The following NFATC2 variants were observed in gnomAD, a reference collection of about 807,000 sequenced individuals.
The protein encoded by NFATC2 is nuclear factor of activated T cells 2, also known as nuclear factor of activated T-cells, cytoplasmic 2.
Under a neutral mutation model 87.3 loss-of-function variants are expected in NFATC2, and 22 were observed. That is an observed-to-expected ratio of 0.25 (90% CI 0.18 to 0.36). NFATC2 has a LOEUF of 0.36. Among genes scored for constraint, NFATC2 ranks in the 10% least tolerant of loss-of-function variants. The pLI, the probability that NFATC2 is intolerant of heterozygous loss-of-function variation, is 1.00. For synonymous variants in NFATC2, 565 were observed against 542.2 expected, an observed-to-expected ratio of 1.04 and a Z score of -0.58; for missense variants, 1,149 against 1,259.1, an observed-to-expected ratio of 0.91 and a Z score of 1.32.
In NFATC2 at chr20:51,475,619, G is replaced by T. The variant is rs1055263764; in HGVS notation, c.1374C>A (p.Ile458=). The change falls in exon 4 of 11, where the codon ATC becomes ATA. Residue 458 remains isoleucine, a synonymous_variant. Coordinates refer to ENST00000371564, the MANE Select transcript of NFATC2 (RefSeq NM_012340.5). ...TCCGCTCATCAGCTGTCCCAATGAA[G>T]ATCTGAAGTCCCAGAGGCTTGTTTT... ...YMENKPLGLQ[I]FIGTADERIL... 1 of 1,614,028 alleles carries T rather than the reference G, an allele frequency of 6.2e-7. No individual in the cohort carries two copies. Among genetic ancestry groups the T allele is most frequent in the Non-Finnish European group, 8.5e-7 (1 of 1,180,036 alleles).
At chr20:51,536,667 T>C (rs1331958743) in intron 1 of NFATC2, among the ~76,000 whole-genome samples, 1 of 152,200 alleles carries the variant, frequency 6.6e-6, no homozygotes, top group Non-Finnish European at 1.5e-5. Context: ...GCCACGTGTT[T>C]CACAGGGAAG....
At position 51,467,037 on chromosome 20, in the gene NFATC2, A is replaced by G. The variant is rs193091397; in HGVS notation, c.1708+6943T>C. Among the ~76,000 whole-genome samples the G allele has an allele frequency of 1.4e-3, 209 of 145,166 alleles. 4 individuals are homozygous for G. The East Asian group carries it at 0.036, about 25-fold the overall frequency. ...CAGTGAGCCAAGACTGCGCCATTGC[A>G]CTCCAGCCTGAGCAACAAGAGCGAG... On this transcript the variant is annotated intron_variant, in intron 5 of 10. Coordinates refer to ENST00000371564, the MANE Select transcript of NFATC2 (RefSeq NM_012340.5).
intron 10 of NFATC2, among the ~76,000 whole-genome samples, chr20:51,396,865 G>GA (rs1222166671): frequency 6.6e-6 from 1 of 152,062 alleles, no homozygotes; most frequent in African/African-American, 2.4e-5. Context: ...AAGCGACTCT[G>GA]AAGGCCAAGA....
At chr20:51,438,298 CTG>C (rs1458292908) in intron 6 of NFATC2, among the ~76,000 whole-genome samples, 1 of 152,110 alleles carries the variant, frequency 6.6e-6, no homozygotes. Flanking sequence ...AGCCTGAAGA[CTG>C]AGTAAGAAAT....
chr20:51,400,471 T>TGG (rs550662287), intron 9 of NFATC2, among the ~76,000 whole-genome samples: 4 of 55,670 alleles, frequency 7.2e-5, no homozygotes, highest in East Asian at 5.5e-4. Flanking sequence ...ATATGGGGGG[T>TGG]GGGGGGGCAC....
rs766011176 is a variant in NFATC2, at chr20:51,516,908, C to T, written c.1208G>A (p.Ser403Asn). ...CCGCAGCTCGTAAGAGCCTGACTGA[C>T]TGGACAGCGGCCACTCAAGTGGAGG... ...SLPPLEWPLS[S>N]QSGSYELRIE... The change falls in exon 3 of 11, where the codon AGT becomes AAT. Residue 403 changes from serine (S) to asparagine (N), a missense_variant. Physicochemically the swap from Ser to Asn is conservative, Grantham distance 46. Transcript: ENST00000371564. 1.2e-5 allele frequency: 20 copies of T among 1,614,042 alleles called. No individual in the cohort carries two copies. Among genetic ancestry groups the T allele is most frequent in the Middle Eastern group, 3.3e-4 (2 of 6,084 alleles).
Position 51,477,574 on chromosome 20 carries a change from TATATATAA to T in NFATC2, c.1333-1922_1333-1915del, listed in dbSNP as rs1464787506. ...ATATATATATATATATATATATATA[TATATATAA>T]AATAACAAGAGACAAAAGGACATTG... On this transcript the variant is annotated intron_variant, in intron 3 of 10. Transcript: ENST00000371564. Among the ~76,000 whole-genome samples, 314 of 69,650 alleles carry T rather than the reference TATATATAA, an allele frequency of 4.5e-3. 1 individual carries two copies. Among genetic ancestry groups the T allele is most frequent in the African/African-American group, 6.4e-3 (97 of 15,136 alleles). 45.7% of individuals were successfully genotyped at this position (69,650 alleles called of 152,430 possible). A position where few individuals can be genotyped will look rare whatever the true frequency, so the allele number is the denominator to read the frequency against.
intron 5 of NFATC2, among the ~76,000 whole-genome samples, chr20:51,462,963 G>A (rs900880222): frequency 3.3e-5 from 5 of 152,230 alleles, no homozygotes; most frequent in African/African-American, 1.2e-4. Context: ...ACACCGGCCA[G>A]CCCAGGCAAG....
chr20:51,473,608 A>G (rs1988438862), intron 5 of NFATC2, among the ~76,000 whole-genome samples: 1 of 152,234 alleles, frequency 6.6e-6, no homozygotes, highest in Non-Finnish European at 1.5e-5. Flanking sequence ...TATTGAAAGG[A>G]TAAAGAAGGA....
Position 51,524,321 on chromosome 20 carries a change from T to C in NFATC2, c.131-211A>G, listed in dbSNP as rs1427240350. 6.6e-6 allele frequency among the ~76,000 whole-genome samples: 1 copy of C among 152,142 alleles called. No homozygotes were observed. Among genetic ancestry groups the C allele is most frequent in the Non-Finnish European group, 1.5e-5 (1 of 68,018 alleles). ...CTGGAGAAGACAGGTCGAAGCAGAA[T>C]GAGTTCTGGAAGACCCCTGGGCTAA... On this transcript the variant is annotated intron_variant, in intron 1 of 10. Transcript: ENST00000371564. This position sits in a 1 kb window ranked among gnomAD's most constrained non-coding sequence, Gnocchi z 4.0.
intron 3 of NFATC2, among the ~76,000 whole-genome samples, chr20:51,507,190 T>C (rs2076198082): frequency 1.3e-5 from 2 of 152,222 alleles, no homozygotes; most frequent in African/African-American, 2.4e-5. Flanking sequence ...CAGGGCTTCA[T>C]TGCTGACCAG....
rs571705602 is a variant in NFATC2, at chr20:51,390,295, G to A, written c.*1201C>T. 1 of 152,218 alleles carries A rather than the reference G, an allele frequency of 6.6e-6. No individual in the cohort carries two copies. Among genetic ancestry groups the A allele is most frequent in the Non-Finnish European group, 1.5e-5 (1 of 68,034 alleles). The allele number at this position is 152,218 out of a possible 1,614,324, so 9.4% of individuals were successfully genotyped here. A position where few individuals can be genotyped will look rare whatever the true frequency, so the allele number is the denominator to read the frequency against. ...CCAGTGAAGCTGGGAAGCACATCCT[G>A]AGCTCGGCTGTCCCACTTAGAGGGA... On this transcript the variant is annotated 3_prime_UTR_variant, in exon 11 of 11. Transcript: ENST00000371564.
intron 5 of NFATC2, among the ~76,000 whole-genome samples, chr20:51,469,279 A>C (rs1175726079): frequency 1.3e-5 from 2 of 152,196 alleles, no homozygotes; most frequent in Non-Finnish European, 2.9e-5. Context: ...AGCCTCTCAA[A>C]GCACTGAGAT....
chr20:51,395,322 ATGGTATTGAT>A (rs1986898959), intron 10 of NFATC2, among the ~76,000 whole-genome samples: 1 of 50,862 alleles, frequency 2.0e-5, no homozygotes, highest in African/African-American at 9.7e-5. Flanking sequence ...ATTAACTTGT[ATGGTATTGAT>A]CCTTTAATTA....
rs1256889895 is a variant in NFATC2, at chr20:51,556,710, C to A, written c.70+5850G>T. On this transcript the variant is annotated intron_variant, in intron 1 of 10. Transcript: ENST00000414705. ...CAGGCAAAGAGAGGGACCAACAGTG[C>A]CCGTTGAGGAGGAGCGATAGCACAG... 1.5e-4 allele frequency among the ~76,000 whole-genome samples: 7 copies of A among 45,632 alleles called. No homozygotes were observed. In the South Asian group the frequency reaches 2.2e-3, roughly 14 times the overall value. The allele number at this position is 45,632 out of a possible 152,430, so 29.9% of individuals were successfully genotyped here.
Position 51,523,589 on chromosome 20 carries a change from G to T in NFATC2, c.652C>A (p.Pro218Thr). 1.2e-6 allele frequency: 2 copies of T among 1,613,946 alleles called. No homozygotes were observed. The highest frequency in any genetic ancestry group is 1.7e-6 in the Non-Finnish European group (2 of 1,179,852). ...AGGCTGGTTCGAGGTGACATTATTG[G>T]CGAGGTTCTGGGGGAATAATGAGCA... ...IPAHYSPRTS[P>T]IMSPRTSLAE... The change falls in exon 2 of 11, where the codon CCA (proline) becomes ACA (threonine). Residue 218 changes from proline to threonine, a missense_variant. Coordinates refer to ENST00000371564, the MANE Select transcript of NFATC2 (RefSeq NM_012340.5). This position sits in a 1 kb window ranked among gnomAD's most constrained non-coding sequence, Gnocchi z 6.9.
intron 2 of NFATC2, among the ~76,000 whole-genome samples, chr20:51,521,010 G>A (rs999573013): frequency 2.6e-5 from 4 of 152,200 alleles, no homozygotes; most frequent in Non-Finnish European, 4.4e-5. Context: ...TCAGAACTCT[G>A]TAGCCAAATG....
chr20:51,398,948 T>A, intron 9 of NFATC2: 1 of 519,006 alleles, frequency 1.9e-6, no homozygotes, highest in African/African-American at 1.9e-5. Flanking sequence ...CTGTGCAAAG[T>A]GCATTACATT....
chr20:51,542,488 G>T lies in NFATC2; in HGVS notation c.12C>A (p.Pro4=), dbSNP rs1328242067. MNA[P]ERQPQPDGGD... is the part of the protein sequence containing the mutation. ...CGCCGTCGGGTTGGGGCTGCCGCTC[G>T]GGGGCGTTCATGGCGCGCAGGGCGG... Residue 4 remains proline (P), a synonymous_variant, in exon 1 of 11, where the codon CCC becomes CCA. Coordinates refer to ENST00000371564, the MANE Select transcript of NFATC2 (RefSeq NM_012340.5). The T allele has an allele frequency of 1.3e-6, 2 of 1,521,164 alleles. No homozygotes were observed. The allele number at this position is 1,521,164 out of a possible 1,614,324, so 94.2% of individuals were successfully genotyped here.
Sources: gnomAD v4.1 joint callset for allele counts (sites outside exome capture counted in the v4.1 genomes callset) on GRCh38, gnomAD v4.1.1 for gene constraint, Gnocchi (gnomAD v3.1) non-coding constraint, MANE v1.5 for transcripts, NCBI Gene and HGNC (gene_info 2026-07-23, HGNC 2026-07-21) for gene names.